LGI3: variants seen among roughly 807,000 people sequenced by gnomAD.
LGI3 encodes the protein leucine-rich repeat LGI family member 3.
LGI3 carries 47 observed loss-of-function variants against 55.4 expected under a neutral mutation model. That is an observed-to-expected ratio of 0.85 (90% CI 0.67 to 1.08). The LOEUF is 1.08. Among genes scored for constraint, LGI3 ranks in the 50% least tolerant of loss-of-function variants. The probability of loss-of-function intolerance (pLI) is 0.00; values close to 1 mark genes in which losing one functional copy is unlikely to be tolerated. For missense variants in LGI3, 664 were observed against 726.3 expected (o/e 0.91, Z 0.99); for synonymous variants, 326 against 315.0 (o/e 1.04, Z -0.37).
intron 7 of LGI3, among the ~76,000 whole-genome samples, chr8:22,149,620 T>C (rs1187533041): frequency 1.3e-5 from 2 of 152,158 alleles, no homozygotes; most frequent in Non-Finnish European, 2.9e-5. Context: ...TGTGCACCTA[T>C]ACTCACAATC....
At chr8:22,149,108 C>A in intron 7 of LGI3, 131 bp from the exon 8 acceptor site, 1 of 627,858 alleles carries the variant, frequency 1.6e-6, no homozygotes. Flanking sequence ...ATTCCACCCA[C>A]ACTGAAGTTC....
At chr8:22,149,986 C>T (rs894172852) in intron 7 of LGI3, among the ~76,000 whole-genome samples, 5 of 152,184 alleles carry the variant, frequency 3.3e-5, no homozygotes, top group Admixed American at 6.5e-5. Context: ...CCATACCCAT[C>T]GCTGAGCCTG....
chr8:22,153,093 T>TA (rs1216177032), intron 5 of LGI3, among the ~76,000 whole-genome samples: 3 of 142,966 alleles, frequency 2.1e-5, no homozygotes, highest in African/African-American at 7.6e-5. Flanking sequence ...TTTTTTTTTT[T>TA]AATATTTTGA....
chr8:22,155,309 A>G lies in LGI3; in HGVS notation c.278+83T>C, dbSNP rs1586410604. 6 of 1,304,998 alleles carry G rather than the reference A, an allele frequency of 4.6e-6. No homozygotes were observed. The East Asian group carries it at 1.4e-4, about 30-fold the overall frequency. 80.8% of individuals were successfully genotyped at this position (1,304,998 alleles called of 1,614,324 possible). ...TCGTCTGCAGAGGCTGCCTCTGTCC[A>G]CTCTCCCTCTCCCCAGCCCAGGATT... On this transcript the variant is annotated intron_variant, in intron 2 of 7. Transcript: ENST00000306317.
intron 5 of LGI3, 114 bp from the exon 6 acceptor site, chr8:22,152,114 G>T: frequency 9.2e-6 from 7 of 764,746 alleles, no homozygotes; most frequent in Non-Finnish European, 8.2e-6. Flanking sequence ...GCTGCAAGTT[G>T]CTCACATGCA....
rs1249926980 is a variant in LGI3, at chr8:22,148,267, G to A, written c.1540C>T (p.Arg514Trp). Residue 514 changes from arginine (R) to tryptophan (W), a missense_variant, in exon 8 of 8, where the codon CGG (arginine) becomes TGG (tryptophan). By Grantham distance (101) the Arg-to-Trp change is moderately radical. Transcript: ENST00000306317. The surrounding 1 kb of genome is among the most constrained non-coding windows in gnomAD (Gnocchi z 7.0). ...RFQELAVQAPRAFCYMPAGDA... is the reference protein window; with the variant it reads ...RFQELAVQAPWAFCYMPAGDA... ...CCAGCAGGCATGTAGCAGAAGGCCC[G>A]AGGAGCCTGCACAGCCAGCTCCTGG... 1.9e-6 allele frequency: 3 copies of A among 1,614,104 alleles called. No homozygotes were observed. Among genetic ancestry groups the A allele is most frequent in the South Asian group, 2.2e-5 (2 of 91,064 alleles).
chr8:22,156,305 C>T, intron 1 of LGI3, 32 bp downstream of exon 1: 1 of 1,607,946 alleles, frequency 6.2e-7, no homozygotes, highest in Non-Finnish European at 8.5e-7. Context: ...CCTCTCCCTC[C>T]CCAACCCCCA....
intron 1 of LGI3, 65 bp downstream of exon 1, chr8:22,156,272 T>C: frequency 6.5e-7 from 1 of 1,548,632 alleles, no homozygotes; most frequent in Non-Finnish European, 8.8e-7. Flanking sequence ...TCTCCTGTCC[T>C]CTCCCAGAGC....
chr8:22,149,777 C>G, intron 7 of LGI3, among the ~76,000 whole-genome samples: 1 of 152,110 alleles, frequency 6.6e-6, no homozygotes, highest in East Asian at 1.9e-4. Context: ...CCACCTTTCC[C>G]CCAAGAGAAA....
At chr8:22,152,894 T>C (rs1563210773) in intron 5 of LGI3, among the ~76,000 whole-genome samples, 1 of 150,948 alleles carries the variant, frequency 6.6e-6, no homozygotes, top group Non-Finnish European at 1.5e-5. Flanking sequence ...CTATTAAAAA[T>C]ATAAAATTAG....
At chr8:22,153,688 C>T (rs1827409557) in intron 5 of LGI3, among the ~76,000 whole-genome samples, 1 of 149,548 alleles carries the variant, frequency 6.7e-6, no homozygotes, top group Admixed American at 6.6e-5. Context: ...GCCTGGGTGA[C>T]AGAGTGAGAC....
rs778785557 is a variant in LGI3, at chr8:22,155,444, A to C, written c.226T>G (p.Phe76Val). 3 of 1,613,752 alleles carry C rather than the reference A, an allele frequency of 1.9e-6. No homozygotes were observed. The highest frequency in any genetic ancestry group is 2.5e-6 in the Non-Finnish European group (3 of 1,179,996). The stretch of plus-strand genomic sequence containing the variant: ...AACGCTCCATCCTGGATCTCTGAGA[A>C]GGCGGCATTCACCAGGGTCCTGCGG... ...VISLTLVNAA[F>V]SEIQDGAFSH... Residue 76 changes from phenylalanine (F) to valine (V), a missense_variant, in exon 2 of 8, where the codon TTC becomes GTC. Physicochemically the swap from Phe to Val is conservative, Grantham distance 50. Coordinates refer to ENST00000306317, the MANE Select transcript of LGI3 (RefSeq NM_139278.4).
At position 22,152,528 on chromosome 8, in the gene LGI3, G is replaced by T. The variant is rs920586442; in HGVS notation, c.495-528C>A. Among the ~76,000 whole-genome samples the T allele has an allele frequency of 5.3e-5, 8 of 152,094 alleles. 1 individual carries two copies. Among genetic ancestry groups the T allele is most frequent in the Admixed American group, 3.9e-4 (6 of 15,278 alleles). On this transcript the variant is annotated intron_variant, in intron 5 of 7. Transcript: ENST00000306317. Reference sequence around the variant, plus strand: ...GGAGGCTGAGGTGGGCAGATCACAAGGTCAAGAGTTTGAGACCAGCCTGGG... The same window carrying T: ...GGAGGCTGAGGTGGGCAGATCACAATGTCAAGAGTTTGAGACCAGCCTGGG...
intron 2 of LGI3, 139 bp downstream of exon 2, chr8:22,155,253 A>G (rs941479487): frequency 3.8e-6 from 3 of 791,790 alleles, no homozygotes; most frequent in South Asian, 3.2e-5. Flanking sequence ...GGTACATCCT[A>G]TCAGAACAAA....
chr8:22,148,350 TCA>T lies in LGI3; in HGVS notation c.1455_1456del (p.Ser485ArgfsTer12). On this transcript the variant is annotated frameshift_variant, in exon 8 of 8. Transcript: ENST00000306317. LOFTEE classifies it high-confidence loss of function. The surrounding 1 kb of genome is among the most constrained non-coding windows in gnomAD (Gnocchi z 7.0). ...CTGGTAGATCTGGGTGAAGGAGAAATCACTGCCCAGTGCCAGGTAGCGGCGGC... is the reference window on the plus strand; with the variant it reads ...CTGGTAGATCTGGGTGAAGGAGAAATCTGCCCAGTGCCAGGTAGCGGCGGC... 6.2e-7 allele frequency: 1 copy of T among 1,613,896 alleles called. No individual in the cohort carries two copies. The highest frequency in any genetic ancestry group is 8.5e-7 in the Non-Finnish European group (1 of 1,179,962).
In LGI3 at chr8:22,148,376, G is replaced by T. The variant is rs1827333423; in HGVS notation, c.1431C>A (p.Gly477=). 1.2e-6 allele frequency: 2 copies of T among 1,613,476 alleles called. No homozygotes were observed. Among genetic ancestry groups the T allele is most frequent in the Non-Finnish European group, 1.7e-6 (2 of 1,179,880 alleles). ...SLALQPFLVG[G]RRYLALGSDF... is the part of the protein sequence containing the mutation. Reference sequence around the variant, plus strand: ...CACTGCCCAGTGCCAGGTAGCGGCGGCCACCCACAAGGAAGGGCTGCAGGG... The same window carrying T: ...CACTGCCCAGTGCCAGGTAGCGGCGTCCACCCACAAGGAAGGGCTGCAGGG... The change falls in exon 8 of 8, where the codon GGC becomes GGA. Residue 477 remains glycine, a synonymous_variant. Transcript: ENST00000306317. This position sits in a 1 kb window ranked among gnomAD's most constrained non-coding sequence, Gnocchi z 7.0.
In LGI3 at chr8:22,147,144, G is replaced by C. The variant is rs562024407; in HGVS notation, c.*1016C>G. 1 of 152,468 alleles carries C rather than the reference G, an allele frequency of 6.6e-6. No individual in the cohort carries two copies. The highest frequency in any genetic ancestry group is 1.5e-5 in the Non-Finnish European group (1 of 68,260). The allele number at this position is 152,468 out of a possible 1,614,324, so 9.4% of individuals were successfully genotyped here. A position where few individuals can be genotyped will look rare whatever the true frequency, so the allele number is the denominator to read the frequency against. ...CAGGTAACTCAGGTGCTTGCAGCTC[G>C]GCCAGCTCTCTAATCCACCCAAGGA... On this transcript the variant is annotated 3_prime_UTR_variant, in exon 8 of 8. Coordinates refer to ENST00000306317, the MANE Select transcript of LGI3 (RefSeq NM_139278.4).
rs1447069037 is a variant in LGI3, at chr8:22,147,825, G to A, written c.*335C>T. On this transcript the variant is annotated 3_prime_UTR_variant, in exon 8 of 8. Transcript: ENST00000306317. ...GAGAAGCACAAGGACAGGAGGATGCGGCCCCCCTCGCTCCCAGCACCCCGC... is the reference window on the plus strand; with the variant it reads ...GAGAAGCACAAGGACAGGAGGATGCAGCCCCCCTCGCTCCCAGCACCCCGC... 3 of 265,328 alleles carry A rather than the reference G, an allele frequency of 1.1e-5. No homozygotes were observed. Among genetic ancestry groups the A allele is most frequent in the East Asian group, 8.0e-5 (1 of 12,506 alleles). 16.4% of individuals were successfully genotyped at this position (265,328 alleles called of 1,614,324 possible).
At chr8:22,150,969 G>T (rs1827370214) in intron 7 of LGI3, among the ~76,000 whole-genome samples, 2 of 151,702 alleles carry the variant, frequency 1.3e-5, no homozygotes, top group African/African-American at 4.8e-5. Context: ...CTAAGTTACT[G>T]CACACCTCCT....
Sources: gnomAD v4.1 joint callset for allele counts (sites outside exome capture counted in the v4.1 genomes callset) on GRCh38, gnomAD v4.1.1 for gene constraint, Gnocchi (gnomAD v3.1) non-coding constraint, MANE v1.5 for transcripts, NCBI Gene and HGNC (gene_info 2026-07-23, HGNC 2026-07-21) for gene names.